The following SEL1L2 variants were observed in gnomAD, a reference collection of about 807,000 sequenced individuals.
The protein encoded by SEL1L2 is protein sel-1 homolog 2.
In SEL1L2, 89 loss-of-function variants were observed where a neutral mutation model predicts 98.8. That is an observed-to-expected ratio of 0.90 (90% CI 0.76 to 1.07). The LOEUF is 1.07. Ranked by LOEUF, SEL1L2 falls within the 50% of genes least tolerant of loss-of-function variation. SEL1L2 has a pLI of 0.00. For synonymous variants in SEL1L2, 262 were observed against 278.5 expected, an observed-to-expected ratio of 0.94 and a Z score of 0.59; for missense variants, 788 against 812.0, an observed-to-expected ratio of 0.97 and a Z score of 0.36.
At chr20:13,988,306 G>T (rs753975085) in intron 1 of SEL1L2, among the ~76,000 whole-genome samples, 6 of 152,090 alleles carry the variant, frequency 3.9e-5, no homozygotes, top group African/African-American at 9.7e-5. Context: ...CCAAAGCGCT[G>T]GGATTACAGA....
In SEL1L2 at chr20:13,870,217, A is replaced by G. The variant is rs189521377; in HGVS notation, c.1105-14T>C. The G allele has an allele frequency of 1.5e-5, 24 of 1,596,210 alleles. No individual in the cohort carries two copies. In the East Asian group the frequency reaches 4.2e-4, roughly 28 times the overall value. On this transcript the variant is annotated splice_polypyrimidine_tract_variant and intron_variant, in intron 12 of 19. Transcript: ENST00000284951. The stretch of plus-strand genomic sequence containing the variant: ...GATTGCATTGCCCTAGAAGAGTTTT[A>G]TAAAGCCAAGTAAAGTCCCAGAAGA...
chr20:13,984,169 G>A (rs1041687574), intron 1 of SEL1L2, among the ~76,000 whole-genome samples: 7 of 151,802 alleles, frequency 4.6e-5, no homozygotes, highest in South Asian at 4.2e-4. Flanking sequence ...ATGCCACCAC[G>A]CCTGGCTAAT....
intron 11 of SEL1L2, 39 bp from the exon 12 acceptor site, chr20:13,876,154 T>C (rs2046418942): frequency 1.4e-6 from 2 of 1,414,430 alleles, no homozygotes; most frequent in Non-Finnish European, 2.0e-6. Flanking sequence ...AAAAACAAAA[T>C]AATTTGAGAG....
Position 13,939,040 on chromosome 20 carries a change from G to GGTTTTTTTTTTTTTTTTT in SEL1L2, c.115-7270_115-7269insAAAAAAAAAAAAAAAAAC. ...TCTTTTTGGTTTGTTTGCTTGTTTT[G>GGTTTTTTTTTTTTTTTTT]TTTTTTTTTTTTTTTTTTTCTGAGA... is the stretch of plus-strand genomic sequence containing the variant. On this transcript the variant is annotated intron_variant, in intron 2 of 19. Transcript: ENST00000284951. 5.1e-4 allele frequency among the ~76,000 whole-genome samples: 58 copies of GGTTTTTTTTTTTTTTTTT among 114,084 alleles called. 7 individuals are homozygous for GGTTTTTTTTTTTTTTTTT. Among genetic ancestry groups the GGTTTTTTTTTTTTTTTTT allele is most frequent in the South Asian group, 1.4e-3 (5 of 3,472 alleles). 74.8% of individuals were successfully genotyped at this position (114,084 alleles called of 152,430 possible).
intron 5 of SEL1L2, 63 bp from the exon 6 acceptor site, chr20:13,888,575 A>C: frequency 1.3e-6 from 1 of 765,122 alleles, no homozygotes; most frequent in South Asian, 1.7e-5. Context: ...ATCTATATGG[A>C]TAAGGGATAT....
At chr20:13,993,070 C>T (rs989428589), upstream of SEL1L2, among the ~76,000 whole-genome samples, 2 of 152,208 alleles carry the variant, frequency 1.3e-5, no homozygotes, top group African/African-American at 2.4e-5. Context: ...AGTGAGAAGA[C>T]GTGATCACTT....
intron 1 of SEL1L2, among the ~76,000 whole-genome samples, chr20:13,975,070 G>T (rs1017579797): frequency 1.3e-5 from 2 of 152,102 alleles, no homozygotes; most frequent in African/African-American, 4.8e-5. Flanking sequence ...CAGGCTTAAA[G>T]AAGTCATAAG....
intron 5 of SEL1L2, among the ~76,000 whole-genome samples, chr20:13,901,664 TTTC>T (rs1031494279): frequency 3.3e-5 from 5 of 151,700 alleles, no homozygotes; most frequent in African/African-American, 1.2e-4. Context: ...TGCAAATTTT[TTTC>T]TTTTTTTTTT....
At chr20:13,899,394 T>C (rs1490263223) in intron 5 of SEL1L2, among the ~76,000 whole-genome samples, 2 of 152,226 alleles carry the variant, frequency 1.3e-5, no homozygotes, top group African/African-American at 2.4e-5. Context: ...ATTTTATCAC[T>C]CTATTTTCAG....
At chr20:13,924,395 T>A (rs1295007503) in intron 3 of SEL1L2, among the ~76,000 whole-genome samples, 1 of 152,104 alleles carries the variant, frequency 6.6e-6, no homozygotes. Flanking sequence ...CTTTGATTTT[T>A]AATTTGGATG....
chr20:13,877,993 A>G (rs2046513228), intron 10 of SEL1L2, among the ~76,000 whole-genome samples: 2 of 152,176 alleles, frequency 1.3e-5, no homozygotes, highest in Non-Finnish European at 2.9e-5. Context: ...GCAGAATTGG[A>G]TACACAGTTT....
chr20:13,919,573 G>A (rs1487459143), intron 3 of SEL1L2, among the ~76,000 whole-genome samples: 1 of 152,180 alleles, frequency 6.6e-6, no homozygotes, highest in Admixed American at 6.5e-5. Flanking sequence ...TGGGCAACAG[G>A]CATCTCCAAG....
At chr20:13,896,506 T>TC (rs1322940047) in intron 5 of SEL1L2, among the ~76,000 whole-genome samples, 22 of 106,644 alleles carry the variant, frequency 2.1e-4, no homozygotes, top group African/African-American at 7.7e-4. Flanking sequence ...AACAAACAAC[T>TC]CCCCCCCCCC....
chr20:13,943,075 C>T (rs1032984505), intron 2 of SEL1L2, among the ~76,000 whole-genome samples: 1 of 152,154 alleles, frequency 6.6e-6, no homozygotes, highest in African/African-American at 2.4e-5. Flanking sequence ...GAAGAAGTAA[C>T]TCATTCAGTT....
chr20:13,913,724 T>C, intron 5 of SEL1L2, 58 bp downstream of exon 5: 1 of 1,388,182 alleles, frequency 7.2e-7, no homozygotes, highest in Non-Finnish European at 9.5e-7. Flanking sequence ...TTTCACATGC[T>C]GTCTATAGTT....
At chr20:13,984,500 T>C (rs1227838449) in intron 1 of SEL1L2, among the ~76,000 whole-genome samples, 1 of 152,224 alleles carries the variant, frequency 6.6e-6, no homozygotes, top group African/African-American at 2.4e-5. Flanking sequence ...TCTTTAGCCT[T>C]GATATCCATC....
intron 18 of SEL1L2, among the ~76,000 whole-genome samples, chr20:13,852,404 T>C (rs951069424): frequency 6.6e-6 from 1 of 152,196 alleles, no homozygotes; most frequent in Non-Finnish European, 1.5e-5. Context: ...AATTCTTGAA[T>C]GCTTCTAGCT....
intron 10 of SEL1L2, among the ~76,000 whole-genome samples, chr20:13,879,007 C>G (rs2046566491): frequency 1.3e-5 from 2 of 152,188 alleles, no homozygotes; most frequent in African/African-American, 4.8e-5. Flanking sequence ...CACAATAGCA[C>G]CATCAGAGGG....
intron 1 of SEL1L2, among the ~76,000 whole-genome samples, chr20:13,978,394 T>G (rs949196770): frequency 6.6e-6 from 1 of 152,188 alleles, no homozygotes; most frequent in Non-Finnish European, 1.5e-5. Context: ...ATAGCTCTAT[T>G]ATCAAAAAGA....
Sources: allele counts gnomAD v4.1 joint callset (sites outside exome capture counted in the v4.1 genomes callset), GRCh38; gene constraint gnomAD v4.1.1; transcripts MANE v1.5; gene names NCBI Gene and HGNC (gene_info 2026-07-23, HGNC 2026-07-21).